Variants in PRIM2 observed in about 807,000 individuals in gnomAD.
PRIM2 encodes the protein DNA primase subunit 2, also known as DNA primase large subunit.
PRIM2 carries 39 observed loss-of-function variants against 67.3 expected under a neutral mutation model. That is an observed-to-expected ratio of 0.58 (90% CI 0.45 to 0.76). The LOEUF (loss-of-function observed/expected upper bound fraction) is 0.76, where lower values mean the gene tolerates loss of function less well. PRIM2 is among the 30% of genes least tolerant of loss of function. The pLI, the probability that PRIM2 is intolerant of heterozygous loss-of-function variation, is 0.00. For missense variants in PRIM2, 398 were observed against 598.7 expected (o/e 0.66, Z 3.50); for synonymous variants, 143 against 198.7 (o/e 0.72, Z 2.36).
the PRIM2 span, among the ~76,000 whole-genome samples, chr6:57,306,686 A>G: frequency 1.6e-4 from 24 of 152,266 alleles, no homozygotes; most frequent in East Asian, 4.6e-3. Context: ...TTACAATATT[A>G]GATCTGTCTT....
At chr6:57,549,942 A>C (rs1775366478) in intron 10 of PRIM2, among the ~76,000 whole-genome samples, 1 of 152,140 alleles carries the variant, frequency 6.6e-6, no homozygotes, top group South Asian at 2.1e-4. Flanking sequence ...AAAATTAGCC[A>C]GGTATGCTGG....
intron 10 of PRIM2, among the ~76,000 whole-genome samples, chr6:57,541,961 T>G (rs1358241316): frequency 4.0e-5 from 6 of 148,234 alleles, no homozygotes; most frequent in South Asian, 2.1e-4. Context: ...GCTGGGTGGT[T>G]GTTGTGTTTT....
chr6:57,310,532 G>A (rs1161889564), upstream of PRIM2, among the ~76,000 whole-genome samples: 1 of 152,214 alleles, frequency 6.6e-6, no homozygotes, highest in East Asian at 1.9e-4. Flanking sequence ...AACCACCATC[G>A]TCATCATGGC....
At chr6:57,425,251 T>A (rs1161337447) in intron 7 of PRIM2, among the ~76,000 whole-genome samples, 102 of 152,314 alleles carry the variant, frequency 6.7e-4, no homozygotes, top group African/African-American at 2.4e-3. Flanking sequence ...ATTATTATTA[T>A]TTTTGAGAGG....
At chr6:57,600,652 G>A (rs1776447103) in intron 10 of PRIM2, among the ~76,000 whole-genome samples, 1 of 152,002 alleles carries the variant, frequency 6.6e-6, no homozygotes, top group African/African-American at 2.4e-5. Flanking sequence ...CACTGCACCT[G>A]GCCTAGGATT....
chr6:57,271,299 T>C, the PRIM2 span, among the ~76,000 whole-genome samples: 54 of 152,366 alleles, frequency 3.5e-4, no homozygotes, highest in African/African-American at 1.2e-3. Flanking sequence ...ATTGCCTCAA[T>C]TTCAGAGCCT....
chr6:57,371,286 A>G (rs183031882), intron 5 of PRIM2, among the ~76,000 whole-genome samples: 122 of 152,284 alleles, frequency 8.0e-4, no homozygotes, highest in African/African-American at 2.9e-3. Context: ...TTGCTTACCA[A>G]GTTAGAAATA....
chr6:57,397,497 T>A, intron 7 of PRIM2, among the ~76,000 whole-genome samples: 1 of 152,160 alleles, frequency 6.6e-6, no homozygotes, highest in Non-Finnish European at 1.5e-5. Context: ...TTTCTAAAAG[T>A]GTGTCCAAAG....
At chr6:57,464,044 T>C (rs1347072320) in intron 7 of PRIM2, among the ~76,000 whole-genome samples, 1 of 152,168 alleles carries the variant, frequency 6.6e-6, no homozygotes, top group Non-Finnish European at 1.5e-5. Context: ...CTGTTTGTTG[T>C]GGCACCTCTC....
At chr6:57,507,729 G>A (rs1774279364) in intron 8 of PRIM2, among the ~76,000 whole-genome samples, 1 of 152,048 alleles carries the variant, frequency 6.6e-6, no homozygotes. Flanking sequence ...TTTACAGAAA[G>A]ATCTCAAATG....
chr6:57,308,114 ATTTCTT>A, the PRIM2 span, among the ~76,000 whole-genome samples: 2 of 148,686 alleles, frequency 1.3e-5, no homozygotes, highest in Non-Finnish European at 3.0e-5. Context: ...TTATTTATCT[ATTTCTT>A]TTTCTTTTTT....
the PRIM2 span, among the ~76,000 whole-genome samples, chr6:57,271,175 A>G: frequency 1.2e-4 from 18 of 152,232 alleles, no homozygotes; most frequent in East Asian, 3.1e-3. Flanking sequence ...CTCTTTCTCT[A>G]TTCATTGGAC....
At chr6:57,472,710 C>G in intron 7 of PRIM2, among the ~76,000 whole-genome samples, 1 of 152,310 alleles carries the variant, frequency 6.6e-6, no homozygotes, top group Admixed American at 6.5e-5. Flanking sequence ...CTCAGAATAA[C>G]TAATTAAATA....
chr6:57,537,140 G>A (rs1395579545), intron 9 of PRIM2, among the ~76,000 whole-genome samples: 1 of 152,088 alleles, frequency 6.6e-6, no homozygotes, highest in African/African-American at 2.4e-5. Flanking sequence ...ATGGGAGTCT[G>A]TAGTTAACTT....
the PRIM2 span, among the ~76,000 whole-genome samples, chr6:57,271,666 C>T: frequency 1.3e-5 from 2 of 152,136 alleles, no homozygotes; most frequent in Non-Finnish European, 2.9e-5. Context: ...TTGCCTTCTG[C>T]TGGCTTTTGA....
intron 3 of PRIM2, among the ~76,000 whole-genome samples, chr6:57,323,544 C>T (rs1767732553): frequency 6.6e-6 from 1 of 151,848 alleles, no homozygotes. Flanking sequence ...GATAATTATC[C>T]TGAAAAGCAT....
At chr6:57,529,775 T>G (rs1416599914) in intron 8 of PRIM2, among the ~76,000 whole-genome samples, 1 of 152,050 alleles carries the variant, frequency 6.6e-6, no homozygotes, top group Non-Finnish European at 1.5e-5. Context: ...ACAAGTTTAT[T>G]AACATTTTGT....
chr6:57,236,067 C>G, the PRIM2 span, among the ~76,000 whole-genome samples: 1 of 152,186 alleles, frequency 6.6e-6, no homozygotes, highest in South Asian at 2.1e-4. Context: ...TAGAGCACTA[C>G]GTTTGTAGTA....
chr6:57,513,766 C>G (rs1774419651), intron 8 of PRIM2, among the ~76,000 whole-genome samples: 2 of 152,206 alleles, frequency 1.3e-5, no homozygotes, highest in African/African-American at 4.8e-5. Context: ...CCCAGCTGCT[C>G]AGGAGGCTGA....
Sources: gnomAD v4.1 joint callset for allele counts (sites outside exome capture counted in the v4.1 genomes callset) on GRCh38, gnomAD v4.1.1 for gene constraint, MANE v1.5 for transcripts, NCBI Gene and HGNC (gene_info 2026-07-23, HGNC 2026-07-21) for gene names.